Variants in CTNNA3 observed in about 807,000 individuals in gnomAD.
The protein encoded by CTNNA3 is catenin alpha-3.
In CTNNA3, 76 loss-of-function variants were observed where a neutral mutation model predicts 95.7. The ratio of observed to expected loss-of-function variants is 0.79; its 90% CI spans 0.66 to 0.96. CTNNA3 has a LOEUF of 0.96. Ranked by LOEUF, CTNNA3 falls within the 40% of genes least tolerant of loss-of-function variation. The pLI is 0.00. For synonymous variants in CTNNA3, 431 were observed against 374.4 expected (o/e 1.15, Z -1.74); for missense variants, 1,191 against 1,089.8 (o/e 1.09, Z -1.31).
intron 14 of CTNNA3, among the ~76,000 whole-genome samples, chr10:66,078,083 A>G (rs1431640756): frequency 6.6e-6 from 1 of 151,842 alleles, no homozygotes; most frequent in Non-Finnish European, 1.5e-5. Flanking sequence ...TTGTCTTCCA[A>G]CAACAGGCAA....
chr10:66,982,034 T>C (rs1178151956), intron 7 of CTNNA3, among the ~76,000 whole-genome samples: 1 of 152,182 alleles, frequency 6.6e-6, no homozygotes, highest in Non-Finnish European at 1.5e-5. Flanking sequence ...CCCTCACCTT[T>C]AATGATGAGG....
At chr10:67,752,331 T>C (rs1841411840) in intron 1 of CTNNA3, among the ~76,000 whole-genome samples, 1 of 152,068 alleles carries the variant, frequency 6.6e-6, no homozygotes, top group South Asian at 2.1e-4. Flanking sequence ...TCTCAAAATA[T>C]TAAGAGCCAT....
chr10:67,066,122 A>T (rs1432045311), intron 7 of CTNNA3, among the ~76,000 whole-genome samples: 2 of 151,388 alleles, frequency 1.3e-5, no homozygotes, highest in African/African-American at 4.9e-5. Flanking sequence ...CTGAGATGAG[A>T]TCTAACTTTC....
Position 67,219,827 on chromosome 10 carries a change from C to T in CTNNA3, c.623G>A (p.Arg208Gln), listed in dbSNP as rs369420715. 21 of 1,613,006 alleles carry T rather than the reference C, an allele frequency of 1.3e-5. No homozygotes were observed. The South Asian group carries it at 1.8e-4, about 14-fold the overall frequency. Residue 208 changes from arginine (R) to glutamine (Q), a missense_variant, in exon 6 of 18, where the codon CGA (arginine) becomes CAA (glutamine). By Grantham distance (43) the Arg-to-Gln change is conservative. Transcript: ENST00000433211. ...PNQRDEIAGA[R>Q]ASLKENSPLL... ...GGGAGAGTTCTCCTTCAGTGAAGCT[C>T]GGGCTCCTGCAATTTCATCTCTCTG...
In CTNNA3 at chr10:66,727,524, T is replaced by A. The variant is rs190387532; in HGVS notation, c.1281+38740A>T. Among the ~76,000 whole-genome samples, 185 of 152,260 alleles carry A rather than the reference T, an allele frequency of 1.2e-3. 2 individuals carry two copies. The highest frequency in any genetic ancestry group is 4.4e-3 in the African/African-American group (181 of 41,566). On this transcript the variant is annotated intron_variant, in intron 9 of 17. Transcript: ENST00000433211. ...ACACTTTCAGAGGATACTATGATAATGATCATATACAATAACCCAGTTGTC... is the reference window on the plus strand; with the variant it reads ...ACACTTTCAGAGGATACTATGATAAAGATCATATACAATAACCCAGTTGTC...
At chr10:66,928,331 T>A in intron 7 of CTNNA3, 1 of 1,614,048 alleles carries the variant, frequency 6.2e-7, no homozygotes, top group South Asian at 1.1e-5. Context: ...CTAAAGCAAA[T>A]GACTCCCAGC....
chr10:67,103,470 A>G (rs777629292), intron 7 of CTNNA3, among the ~76,000 whole-genome samples: 4 of 151,816 alleles, frequency 2.6e-5, no homozygotes, highest in Non-Finnish European at 5.9e-5. Flanking sequence ...GAAAAGCTGG[A>G]AGTGGGGAGA....
At chr10:67,466,954 G>T (rs1847617015) in intron 5 of CTNNA3, among the ~76,000 whole-genome samples, 1 of 152,116 alleles carries the variant, frequency 6.6e-6, no homozygotes, top group Non-Finnish European at 1.5e-5. Context: ...GGAGCAGACA[G>T]AAAACCAAAA....
intron 13 of CTNNA3, among the ~76,000 whole-genome samples, chr10:66,226,081 T>C (rs2089271583): frequency 6.6e-6 from 1 of 152,128 alleles, no homozygotes; most frequent in South Asian, 2.1e-4. Context: ...ATATAATCCA[T>C]TGGTCTATTT....
intron 11 of CTNNA3, among the ~76,000 whole-genome samples, chr10:66,417,885 T>C (rs917424118): frequency 3.3e-5 from 5 of 151,894 alleles, no homozygotes; most frequent in African/African-American, 7.2e-5. Context: ...GGGAAGTTTA[T>C]AGAAATAATT....
rs573927634 is a variant in CTNNA3 at position 66,112,553 on chromosome 10, C to T, written c.1885-9304G>A. Among the ~76,000 whole-genome samples, 43 of 152,068 alleles carry T rather than the reference C, an allele frequency of 2.8e-4. No individual in the cohort carries two copies. The South Asian group carries it at 7.7e-3, about 27-fold the overall frequency. ...AGTATTGCCAATTATAGGTACAATG[C>T]TGTATATATAGTAGGATCTTTATTT... On this transcript the variant is annotated intron_variant, in intron 13 of 17. Coordinates refer to ENST00000433211, the MANE Select transcript of CTNNA3 (RefSeq NM_013266.4).
At chr10:65,988,060 G>A (rs1169258357) in intron 16 of CTNNA3, among the ~76,000 whole-genome samples, 3 of 152,154 alleles carry the variant, frequency 2.0e-5, no homozygotes, top group East Asian at 3.9e-4. Context: ...ATAAAAATAA[G>A]TTGGTTAAAG....
chr10:66,747,007 G>GA lies in CTNNA3; in HGVS notation c.1281+19256dup, dbSNP rs202160937. On this transcript the variant is annotated intron_variant, in intron 9 of 17. Coordinates refer to ENST00000433211, the MANE Select transcript of CTNNA3 (RefSeq NM_013266.4). The stretch of plus-strand genomic sequence containing the variant: ...AGTAATGTCAAGATGTTTTCCAAGA[G>GA]AAAAAAAAAAGTCTTTTCATCAATA... Among the ~76,000 whole-genome samples, 27 of 143,464 alleles carry GA rather than the reference G, an allele frequency of 1.9e-4. No individual in the cohort carries two copies. The East Asian group carries it at 2.8e-3, about 15-fold the overall frequency. 94.1% of individuals were successfully genotyped at this position (143,464 alleles called of 152,430 possible). A position where few individuals can be genotyped will look rare whatever the true frequency, so the allele number is the denominator to read the frequency against.
intron 6 of CTNNA3, among the ~76,000 whole-genome samples, chr10:67,216,642 TAAAAAAGTTA>T (rs1490693589): frequency 6.6e-6 from 1 of 152,026 alleles, no homozygotes; most frequent in Non-Finnish European, 1.5e-5. Context: ...CATGAATATG[TAAAAAAGTTA>T]AAAAAAGTGA....
At chr10:66,077,802 A>C (rs2080601220) in intron 14 of CTNNA3, among the ~76,000 whole-genome samples, 1 of 151,854 alleles carries the variant, frequency 6.6e-6, no homozygotes, top group Admixed American at 6.6e-5. Flanking sequence ...CCATATAGTT[A>C]TTGCAATATA....
intron 5 of CTNNA3, among the ~76,000 whole-genome samples, chr10:67,455,137 C>T (rs1847125013): frequency 6.6e-6 from 1 of 152,094 alleles, no homozygotes; most frequent in South Asian, 2.1e-4. Context: ...TATTATACTG[C>T]ATGGCATCAA....
intron 11 of CTNNA3, among the ~76,000 whole-genome samples, chr10:66,482,502 C>G (rs1839573016): frequency 6.6e-6 from 1 of 152,100 alleles, no homozygotes; most frequent in Admixed American, 6.6e-5. Flanking sequence ...ATTGGCCGCA[C>G]TGCTTTTAAG....
At chr10:67,442,987 T>C (rs566416334) in intron 5 of CTNNA3, among the ~76,000 whole-genome samples, 1 of 126,786 alleles carries the variant, frequency 7.9e-6, no homozygotes, top group East Asian at 2.5e-4. Flanking sequence ...GATGTTCCCC[T>C]TCCTGTGTCC....
chr10:67,601,431 G>A (rs933162069), intron 3 of CTNNA3, among the ~76,000 whole-genome samples: 5 of 152,116 alleles, frequency 3.3e-5, no homozygotes, highest in African/African-American at 1.2e-4. Context: ...TGCCGCAGCT[G>A]ATCTGTCAGG....
Sources: gnomAD v4.1 joint callset for allele counts (sites outside exome capture counted in the v4.1 genomes callset) on GRCh38, gnomAD v4.1.1 for gene constraint, MANE v1.5 for transcripts, NCBI Gene and HGNC (gene_info 2026-07-23, HGNC 2026-07-21) for gene names.